SLC35E3: variants seen among roughly 807,000 people sequenced by gnomAD.
SLC35E3 encodes solute carrier family 35 member E3, also known as bladder cancer-overexpressed gene 1 protein.
In SLC35E3, 28 loss-of-function variants were observed where a neutral mutation model predicts 30.8. The ratio of observed to expected loss-of-function variants is 0.91; its 90% CI spans 0.67 to 1.25. The LOEUF (loss-of-function observed/expected upper bound fraction) is 1.25. Ranked by LOEUF, SLC35E3 falls within the 50% of genes most tolerant of loss-of-function variation. The probability of loss-of-function intolerance (pLI) is 0.00; values close to 1 mark genes in which losing one functional copy is unlikely to be tolerated. For missense variants in SLC35E3, 365 were observed against 375.4 expected (o/e 0.97, Z 0.23); for synonymous variants, 146 against 149.2 (o/e 0.98, Z 0.16).
chr12:68,747,797 GA>G (rs1266756801), intron 1 of SLC35E3, 132 bp from the exon 2 acceptor site: 19 of 505,790 alleles, frequency 3.8e-5, no homozygotes, highest in Non-Finnish European at 6.4e-5. Context: ...AGTCAAAACA[GA>G]AAACATTTAT....
Position 68,778,359 on chromosome 12 carries a change from A to G in SLC35E3, c.*13469A>G, listed in dbSNP as rs1879798301. Reference sequence around the variant, plus strand: ...AGCAGGGAAGTTAGTAACCTTGTCTAATAGGTTATCTGTACTCAACAAGCC... The same window carrying G: ...AGCAGGGAAGTTAGTAACCTTGTCTGATAGGTTATCTGTACTCAACAAGCC... On this transcript the variant is annotated 3_prime_UTR_variant, in exon 5 of 5. Transcript: ENST00000398004. The G allele has an allele frequency of 6.6e-6, 1 of 152,166 alleles. No individual in the cohort carries two copies. The highest frequency in any genetic ancestry group is 2.4e-5 in the African/African-American group (1 of 41,460). The allele number at this position is 152,166 out of a possible 1,614,324, so 9.4% of individuals were successfully genotyped here. A position where few individuals can be genotyped will look rare whatever the true frequency, so the allele number is the denominator to read the frequency against.
In SLC35E3 at chr12:68,772,483, GTTAC is replaced by G. The variant is rs1278046722; in HGVS notation, c.*7596_*7599del. 3 of 152,066 alleles carry G rather than the reference GTTAC, an allele frequency of 2.0e-5. No individual in the cohort carries two copies. The highest frequency in any genetic ancestry group is 6.6e-5 in the Admixed American group (1 of 15,248). The allele number at this position is 152,066 out of a possible 1,614,324, so 9.4% of individuals were successfully genotyped here. A position where few individuals can be genotyped will look rare whatever the true frequency, so the allele number is the denominator to read the frequency against. ...ATAGGATTTCTTCTGATGTATCGAA[GTTAC>G]TTTATACTTCATATGAAGTCATTAG... On this transcript the variant is annotated 3_prime_UTR_variant, in exon 5 of 5. Coordinates refer to ENST00000398004, the MANE Select transcript of SLC35E3 (RefSeq NM_018656.5).
rs1441735979 is a variant in SLC35E3 at position 68,777,215 on chromosome 12, T to C, written c.*12325T>C. 6.6e-6 allele frequency: 1 copy of C among 152,174 alleles called. No homozygotes were observed. 9.4% of individuals were successfully genotyped at this position (152,174 alleles called of 1,614,324 possible). A position where few individuals can be genotyped will look rare whatever the true frequency, so the allele number is the denominator to read the frequency against. ...CTGCATCAGAGGCCTCCCAGTGCCA[T>C]AGGACCATGGACATTGGTGAGCAAC... On this transcript the variant is annotated 3_prime_UTR_variant, in exon 5 of 5. Coordinates refer to ENST00000398004, the MANE Select transcript of SLC35E3 (RefSeq NM_018656.5).
At chr12:68,755,562 T>C (rs1311948330) in intron 3 of SLC35E3, among the ~76,000 whole-genome samples, 1 of 152,204 alleles carries the variant, frequency 6.6e-6, no homozygotes, top group African/African-American at 2.4e-5. Flanking sequence ...AAGAGGTTTA[T>C]TTTGGCTTAT....
chr12:68,774,690 A>T lies in SLC35E3; in HGVS notation c.*9800A>T, dbSNP rs1377393836. The T allele has an allele frequency of 6.6e-6, 1 of 151,900 alleles. No individual in the cohort carries two copies. 9.4% of individuals were successfully genotyped at this position (151,900 alleles called of 1,614,324 possible). ...GAGGTTGAGGCTGCAGTGAGCCATG[A>T]TCATGCCACTGCACTATATGCTGGG... On this transcript the variant is annotated 3_prime_UTR_variant, in exon 5 of 5. Transcript: ENST00000398004.
At position 68,767,871 on chromosome 12, in the gene SLC35E3, A is replaced by G. The variant is rs1411717514; in HGVS notation, c.*2981A>G. 1 of 152,230 alleles carries G rather than the reference A, an allele frequency of 6.6e-6. No homozygotes were observed. Among genetic ancestry groups the G allele is most frequent in the Non-Finnish European group, 1.5e-5 (1 of 68,044 alleles). The allele number at this position is 152,230 out of a possible 1,614,324, so 9.4% of individuals were successfully genotyped here. ...AAGCCTCGGGTATTATGTTTGTCTA[A>G]GAAACATTCTCTGTGTATGTTTAAA... is the stretch of plus-strand genomic sequence containing the variant. On this transcript the variant is annotated 3_prime_UTR_variant, in exon 5 of 5. Transcript: ENST00000398004.
At chr12:68,751,374 T>A (rs1241923463) in intron 2 of SLC35E3, among the ~76,000 whole-genome samples, 1 of 151,676 alleles carries the variant, frequency 6.6e-6, no homozygotes, top group Non-Finnish European at 1.5e-5. Context: ...CTCAGCTCAC[T>A]GCAACCTCCG....
chr12:68,756,767 C>T (rs1372199234), intron 3 of SLC35E3, among the ~76,000 whole-genome samples: 1 of 152,166 alleles, frequency 6.6e-6, no homozygotes, highest in Non-Finnish European at 1.5e-5. Flanking sequence ...TTTGGGAGGT[C>T]AGGGCGGGCG....
At chr12:68,752,294 C>A in intron 3 of SLC35E3, 104 bp downstream of exon 3, 1 of 1,070,850 alleles carries the variant, frequency 9.3e-7, no homozygotes, top group East Asian at 2.5e-5. Context: ...TCCATTCTCA[C>A]ATTTATCGTC....
chr12:68,752,605 T>C lies in SLC35E3; in HGVS notation c.672+415T>C, dbSNP rs1254979040. Among the ~76,000 whole-genome samples the C allele has an allele frequency of 2.6e-5, 4 of 152,326 alleles. No individual in the cohort carries two copies. The East Asian group carries it at 7.7e-4, about 29-fold the overall frequency. On this transcript the variant is annotated intron_variant, in intron 3 of 4. Coordinates refer to ENST00000398004, the MANE Select transcript of SLC35E3 (RefSeq NM_018656.5). ...AAGTGAAGGGGCCAGGCACAGTGGCTCACTCCTGTAATCCCAGCACTTTGG... is the reference window on the plus strand; with the variant it reads ...AAGTGAAGGGGCCAGGCACAGTGGCCCACTCCTGTAATCCCAGCACTTTGG...
chr12:68,746,308 A>G lies in SLC35E3; in HGVS notation c.-70A>G. On this transcript the variant is annotated 5_prime_UTR_variant, in exon 1 of 5. Coordinates refer to ENST00000398004, the MANE Select transcript of SLC35E3 (RefSeq NM_018656.5). ...GGCGTCTGCGAGGACGCGGCGGTGG[A>G]GTAGAAGGGCAGCCGGAGACAGGCC... 15 of 1,462,378 alleles carry G rather than the reference A, an allele frequency of 1.0e-5. No homozygotes were observed. The highest frequency in any genetic ancestry group is 1.4e-5 in the Non-Finnish European group (15 of 1,093,984). 90.6% of individuals were successfully genotyped at this position (1,462,378 alleles called of 1,614,324 possible).
intron 4 of SLC35E3, among the ~76,000 whole-genome samples, chr12:68,759,825 A>G (rs746167795): frequency 1.3e-5 from 2 of 152,206 alleles, no homozygotes; most frequent in Non-Finnish European, 2.9e-5. Flanking sequence ...TCAGAGTACC[A>G]TTTCTTACAG....
intron 4 of SLC35E3, among the ~76,000 whole-genome samples, chr12:68,761,069 G>T (rs147281597): frequency 6.6e-6 from 1 of 152,192 alleles, no homozygotes; most frequent in African/African-American, 2.4e-5. Flanking sequence ...GTGCGAGGCC[G>T]TAAAAAAACC....
chr12:68,767,641 G>A lies in SLC35E3; in HGVS notation c.*2751G>A, dbSNP rs1879476862. On this transcript the variant is annotated 3_prime_UTR_variant, in exon 5 of 5. Coordinates refer to ENST00000398004, the MANE Select transcript of SLC35E3 (RefSeq NM_018656.5). ...ATACACACATATAATATACCTTTGG[G>A]GTTTTTAGGATTTTTTTTTCCTGGA... 1 of 151,886 alleles carries A rather than the reference G, an allele frequency of 6.6e-6. No individual in the cohort carries two copies. Among genetic ancestry groups the A allele is most frequent in the East Asian group, 1.9e-4 (1 of 5,190 alleles). The allele number at this position is 151,886 out of a possible 1,614,324, so 9.4% of individuals were successfully genotyped here. A position where few individuals can be genotyped will look rare whatever the true frequency, so the allele number is the denominator to read the frequency against.
In SLC35E3 at chr12:68,773,027, A is replaced by G. The variant is rs1197977365; in HGVS notation, c.*8137A>G. 6.6e-6 allele frequency: 1 copy of G among 152,298 alleles called. No homozygotes were observed. Among genetic ancestry groups the G allele is most frequent in the East Asian group, 1.9e-4 (1 of 5,198 alleles). The allele number at this position is 152,298 out of a possible 1,614,324, so 9.4% of individuals were successfully genotyped here. ...AGCCACCCCGCCACCAGCCCTCACC[A>G]GTCACAGGTGGAATTAAAGAAATCT... is the stretch of plus-strand genomic sequence containing the variant. On this transcript the variant is annotated 3_prime_UTR_variant, in exon 5 of 5. Coordinates refer to ENST00000398004, the MANE Select transcript of SLC35E3 (RefSeq NM_018656.5).
Position 68,759,207 on chromosome 12 carries a change from T to G in SLC35E3, c.723T>G (p.Ile241Met). 1 of 1,613,680 alleles carries G rather than the reference T, an allele frequency of 6.2e-7. No individual in the cohort carries two copies. Among genetic ancestry groups the G allele is most frequent in the Non-Finnish European group, 8.5e-7 (1 of 1,179,680 alleles). The change falls in exon 4 of 5, where the codon ATT (isoleucine) becomes ATG (methionine). Residue 241 changes from isoleucine (I) to methionine (M), a missense_variant. By Grantham distance (10) the Ile-to-Met change is conservative. Coordinates refer to ENST00000398004, the MANE Select transcript of SLC35E3 (RefSeq NM_018656.5). ...TAGCTTTCATGGTGAACTTATCAAT[T>G]TATTGGATCATTGGGAACACTTCAC... ...GVIAFMVNLS[I>M]YWIIGNTSPV...
intron 2 of SLC35E3, 65 bp downstream of exon 2, chr12:68,748,105 C>A: frequency 1.1e-6 from 1 of 936,244 alleles, no homozygotes; most frequent in East Asian, 2.4e-5. Flanking sequence ...AGCTGTATTC[C>A]AAGGTTTAGA....
rs1879555367 is a variant in SLC35E3, at chr12:68,769,828, C to G, written c.*4938C>G. On this transcript the variant is annotated 3_prime_UTR_variant, in exon 5 of 5. Coordinates refer to ENST00000398004, the MANE Select transcript of SLC35E3 (RefSeq NM_018656.5). ...CATATACTGTGTGCCAGGTACTGTC[C>G]TAGGCATTATGGATATAAAACAGTT... The G allele has an allele frequency of 6.6e-6, 1 of 152,092 alleles. No individual in the cohort carries two copies. The highest frequency in any genetic ancestry group is 1.5e-5 in the Non-Finnish European group (1 of 68,038). 9.4% of individuals were successfully genotyped at this position (152,092 alleles called of 1,614,324 possible).
chr12:68,768,037 C>G lies in SLC35E3; in HGVS notation c.*3147C>G, dbSNP rs1879491882. 1 of 152,214 alleles carries G rather than the reference C, an allele frequency of 6.6e-6. No individual in the cohort carries two copies. Among genetic ancestry groups the G allele is most frequent in the Non-Finnish European group, 1.5e-5 (1 of 68,078 alleles). 9.4% of individuals were successfully genotyped at this position (152,214 alleles called of 1,614,324 possible). A position where few individuals can be genotyped will look rare whatever the true frequency, so the allele number is the denominator to read the frequency against. On this transcript the variant is annotated 3_prime_UTR_variant, in exon 5 of 5. Coordinates refer to ENST00000398004, the MANE Select transcript of SLC35E3 (RefSeq NM_018656.5). ...GGCGCAGTGGCTTACGCCTATAATC[C>G]CAGCACTTTGAGAGGCCAAGGCGGG...
Sources: gnomAD v4.1 joint callset for allele counts (sites outside exome capture counted in the v4.1 genomes callset) on GRCh38, gnomAD v4.1.1 for gene constraint, MANE v1.5 for transcripts, NCBI Gene and HGNC (gene_info 2026-07-23, HGNC 2026-07-21) for gene names.